Variants in GPBP1L1 observed in about 807,000 individuals in gnomAD.
GPBP1L1 encodes the protein vasculin-like protein 1.
GPBP1L1 carries 23 observed loss-of-function variants against 52.5 expected under a neutral mutation model. The ratio of observed to expected loss-of-function variants is 0.44; its 90% CI spans 0.32 to 0.62. GPBP1L1 has a LOEUF of 0.62. GPBP1L1 is among the 20% of genes least tolerant of loss of function. The pLI, the probability that GPBP1L1 is intolerant of heterozygous loss-of-function variation, is 0.06. For missense variants in GPBP1L1, 596 were observed against 579.3 expected (o/e 1.03, Z -0.30); for synonymous variants, 243 against 203.1 (o/e 1.20, Z -1.67).
intron 10 of GPBP1L1, among the ~76,000 whole-genome samples, chr1:45,631,104 C>A (rs1162166343): frequency 6.7e-6 from 1 of 150,234 alleles, no homozygotes; most frequent in African/African-American, 2.4e-5. Flanking sequence ...AAAAAAAAAT[C>A]AATCTAAACA....
intron 8 of GPBP1L1, among the ~76,000 whole-genome samples, chr1:45,639,480 G>A (rs189072478): frequency 1.8e-4 from 27 of 151,014 alleles, no homozygotes; most frequent in African/African-American, 5.6e-4. Flanking sequence ...TAATCTCAGC[G>A]CTCTGGGAGG....
At chr1:45,651,610 C>A in intron 6 of GPBP1L1, 1 of 679,126 alleles carries the variant, frequency 1.5e-6, no homozygotes. Context: ...GCATTTTCAG[C>A]TGCATATAGA....
intron 2 of GPBP1L1, among the ~76,000 whole-genome samples, chr1:45,674,397 T>G (rs750482864): frequency 6.6e-6 from 1 of 152,170 alleles, no homozygotes; most frequent in African/African-American, 2.4e-5. Flanking sequence ...AATCTTACAT[T>G]GATAATATTC....
intron 6 of GPBP1L1, chr1:45,651,114 T>C: frequency 2.0e-6 from 1 of 503,954 alleles, no homozygotes; most frequent in South Asian, 1.4e-5. Context: ...GGACATTGCC[T>C]CCCCAGTGAT....
chr1:45,642,934 C>A (rs554264496), intron 6 of GPBP1L1, among the ~76,000 whole-genome samples: 1 of 152,092 alleles, frequency 6.6e-6, no homozygotes, highest in South Asian at 2.1e-4. Flanking sequence ...CAGGGGCAGA[C>A]CATATGCCAA....
rs577150663 is a variant in GPBP1L1, at chr1:45,674,623, G to A, written c.-1098+10953C>T. On this transcript the variant is annotated intron_variant, in intron 2 of 12. Transcript: ENST00000355105. ...TGATCTTTGCCCAGGCTAGCAATAC[G>A]CAGTACAATATTTTCGTGTGATGCT... 3.9e-5 allele frequency among the ~76,000 whole-genome samples: 6 copies of A among 152,294 alleles called. 1 individual carries two copies. The South Asian group carries it at 8.3e-4, about 21-fold the overall frequency.
intron 3 of GPBP1L1, among the ~76,000 whole-genome samples, chr1:45,659,864 T>A (rs1644928091): frequency 6.6e-6 from 1 of 152,022 alleles, no homozygotes; most frequent in Non-Finnish European, 1.5e-5. Context: ...TCACCTGAGC[T>A]GGGAAGGTTG....
intron 10 of GPBP1L1, among the ~76,000 whole-genome samples, chr1:45,631,291 C>G (rs1320277336): frequency 2.0e-5 from 3 of 152,082 alleles, no homozygotes; most frequent in Non-Finnish European, 4.4e-5. Context: ...GAGATCAAGT[C>G]TCACTCTGTT....
Position 45,628,019 on chromosome 1 carries a change from TGTGA to T in GPBP1L1, c.*233_*236del, listed in dbSNP as rs1460638355. The T allele has an allele frequency of 1.9e-5, 9 of 471,976 alleles. No individual in the cohort carries two copies. The highest frequency in any genetic ancestry group is 4.0e-5 in the East Asian group (1 of 25,076). The allele number at this position is 471,976 out of a possible 1,614,324, so 29.2% of individuals were successfully genotyped here. A position where few individuals can be genotyped will look rare whatever the true frequency, so the allele number is the denominator to read the frequency against. On this transcript the variant is annotated 3_prime_UTR_variant, in exon 13 of 13. Transcript: ENST00000355105. ...TACTGGGTGTGTATGTGTGTGTGTGTGTGAGTGTGTTTAAAAAATCTGTCCCACC... is the reference window on the plus strand; with the variant it reads ...TACTGGGTGTGTATGTGTGTGTGTGTGTGTGTTTAAAAAATCTGTCCCACC...
chr1:45,643,671 T>TC (rs1472153691), intron 6 of GPBP1L1, among the ~76,000 whole-genome samples: 1 of 134,162 alleles, frequency 7.5e-6, no homozygotes, highest in Non-Finnish European at 1.6e-5. Context: ...TTTTTTTTTT[T>TC]TTTTTTTTTT....
intron 2 of GPBP1L1, among the ~76,000 whole-genome samples, chr1:45,678,721 A>G (rs1285199328): frequency 6.6e-5 from 10 of 152,232 alleles, no homozygotes; most frequent in Admixed American, 6.5e-4. Context: ...AGATAAAGTA[A>G]ACATTTGCAA....
chr1:45,686,165 G>A (rs935079796), intron 1 of GPBP1L1, among the ~76,000 whole-genome samples: 2 of 152,246 alleles, frequency 1.3e-5, no homozygotes, highest in African/African-American at 4.8e-5. Context: ...AAGTAGGAGC[G>A]CTTTCGCGGA....
intron 2 of GPBP1L1, among the ~76,000 whole-genome samples, chr1:45,674,290 A>C (rs1218189619): frequency 6.6e-6 from 1 of 152,248 alleles, no homozygotes; most frequent in African/African-American, 2.4e-5. Flanking sequence ...GATAAGTAGA[A>C]GATTAAAAAT....
chr1:45,648,064 C>T (rs79344964), intron 6 of GPBP1L1, among the ~76,000 whole-genome samples: 1,568 of 152,204 alleles, frequency 0.01, 27 homozygotes, highest in African/African-American at 0.036. Context: ...CCTCAGCCCC[C>T]TGAGTAGCTG....
chr1:45,686,637 C>G (rs1266951373), upstream of GPBP1L1: 1 of 152,584 alleles, frequency 6.6e-6, no homozygotes, highest in South Asian at 2.1e-4. Flanking sequence ...ACACGCCCAC[C>G]TGAAGAAGCG....
Position 45,683,458 on chromosome 1 carries a change from G to A in GPBP1L1, c.-1098+2118C>T, listed in dbSNP as rs998628186. 6.0e-5 allele frequency among the ~76,000 whole-genome samples: 9 copies of A among 151,162 alleles called. No homozygotes were observed. The South Asian group carries it at 1.9e-3, about 32-fold the overall frequency. On this transcript the variant is annotated intron_variant, in intron 2 of 12. Coordinates refer to ENST00000355105, the MANE Select transcript of GPBP1L1 (RefSeq NM_021639.5). ...CTGACCTCGTGATCCGCCCGCCTCG[G>A]CCTCCCAAAGTGCTGGGATTACAGG...
At chr1:45,665,743 T>TAAA (rs949281797) in intron 2 of GPBP1L1, among the ~76,000 whole-genome samples, 5 of 109,708 alleles carry the variant, frequency 4.6e-5, no homozygotes, top group East Asian at 2.5e-4. Flanking sequence ...GACGCCGTCT[T>TAAA]AAAAAAAAAA....
chr1:45,636,062 C>T lies in GPBP1L1; in HGVS notation c.745-1826G>A, dbSNP rs1644590111. Among the ~76,000 whole-genome samples, 3 of 152,178 alleles carry T rather than the reference C, an allele frequency of 2.0e-5. No homozygotes were observed. In the South Asian group the frequency reaches 6.2e-4, roughly 32 times the overall value. On this transcript the variant is annotated intron_variant, in intron 8 of 12. Transcript: ENST00000355105. ...TAACTATTTACTGCTTAGTTCCCTG[C>T]AATACTCACCTCTATCCCCAATTTT...
intron 2 of GPBP1L1, among the ~76,000 whole-genome samples, chr1:45,683,741 TAATAAAA>T (rs1557726706): frequency 9.0e-5 from 7 of 78,086 alleles, no homozygotes; most frequent in Non-Finnish European, 1.9e-4. Context: ...CCCTCCTCTC[TAATAAAA>T]TACAAAAAAA....
Sources: gnomAD v4.1 joint callset for allele counts (sites outside exome capture counted in the v4.1 genomes callset) on GRCh38, gnomAD v4.1.1 for gene constraint, MANE v1.5 for transcripts, NCBI Gene and HGNC (gene_info 2026-07-23, HGNC 2026-07-21) for gene names.